The following KALRN variants were observed in gnomAD, a reference collection of about 807,000 sequenced individuals.
KALRN encodes kalirin.
In KALRN, 70 loss-of-function variants were observed where a neutral mutation model predicts 353.7. The observed-to-expected ratio is 0.20, with a 90% confidence interval of 0.16 to 0.24. The LOEUF is 0.24. KALRN is among the 10% of genes least tolerant of loss of function. The pLI, the probability that KALRN is intolerant of heterozygous loss-of-function variation, is 1.00. For missense variants in KALRN, 2,791 were observed against 3,756.7 expected, an observed-to-expected ratio of 0.74 and a Z score of 6.72; for synonymous variants, 1,391 against 1,434.8, an observed-to-expected ratio of 0.97 and a Z score of 0.69.
intron 1 of KALRN, among the ~76,000 whole-genome samples, chr3:124,159,160 C>A (rs2069497531): frequency 6.6e-6 from 1 of 152,224 alleles, no homozygotes; most frequent in Admixed American, 6.5e-5. Flanking sequence ...CCCATGTCTT[C>A]TGAGCTCACC....
At chr3:124,208,146 T>C (rs1426638719) in intron 1 of KALRN, among the ~76,000 whole-genome samples, 1 of 152,208 alleles carries the variant, frequency 6.6e-6, no homozygotes, top group Non-Finnish European at 1.5e-5. Context: ...GGACCTGCGC[T>C]TTCTCCTGGC....
At chr3:124,530,902 A>T (rs184134096) in intron 33 of KALRN, among the ~76,000 whole-genome samples, 7 of 152,310 alleles carry the variant, frequency 4.6e-5, no homozygotes, top group Admixed American at 3.9e-4. Flanking sequence ...ATCTGTTGGG[A>T]TAAGCCAAGT....
intron 57 of KALRN, among the ~76,000 whole-genome samples, chr3:124,708,976 T>A (rs1391982842): frequency 1.3e-5 from 2 of 152,056 alleles, no homozygotes; most frequent in Admixed American, 1.3e-4. Flanking sequence ...AGAACCAACA[T>A]CTTTAAAATG....
At chr3:124,272,124 C>T in intron 5 of KALRN, among the ~76,000 whole-genome samples, 1 of 152,068 alleles carries the variant, frequency 6.6e-6, no homozygotes, top group East Asian at 1.9e-4. Context: ...AAGTAATAAA[C>T]CTGCATATGT....
At chr3:124,305,066 C>T (rs2077574988) in intron 6 of KALRN, among the ~76,000 whole-genome samples, 1 of 152,120 alleles carries the variant, frequency 6.6e-6, no homozygotes, top group Admixed American at 6.5e-5. Flanking sequence ...GCATTCAGCT[C>T]CTAAAGTGGG....
chr3:124,259,688 A>G (rs551078932), intron 3 of KALRN, among the ~76,000 whole-genome samples: 2 of 152,292 alleles, frequency 1.3e-5, no homozygotes, highest in African/African-American at 4.8e-5. Flanking sequence ...CTGAACATTC[A>G]ACAGTGAAAT....
At chr3:124,151,326 A>G (rs980655023) in intron 1 of KALRN, among the ~76,000 whole-genome samples, 2 of 152,204 alleles carry the variant, frequency 1.3e-5, no homozygotes, top group African/African-American at 2.4e-5. Context: ...CCATTGTTTC[A>G]TACCTTTGCC....
At chr3:124,276,716 A>T (rs2074762070) in intron 5 of KALRN, among the ~76,000 whole-genome samples, 1 of 152,168 alleles carries the variant, frequency 6.6e-6, no homozygotes, top group Non-Finnish European at 1.5e-5. Context: ...CCTTCCTTTT[A>T]CATAGTAATC....
chr3:124,531,430 A>G (rs1200579796), intron 33 of KALRN, among the ~76,000 whole-genome samples: 1 of 152,242 alleles, frequency 6.6e-6, no homozygotes, highest in Non-Finnish European at 1.5e-5. Context: ...ATTTATGTTT[A>G]GCTCATGGTT....
At chr3:124,488,608 G>A (rs188645915) in intron 29 of KALRN, 2 of 304,418 alleles carry the variant, frequency 6.6e-6, no homozygotes, top group Non-Finnish European at 1.2e-5. Context: ...ATGTGCTAGA[G>A]CTTCCAACCT....
intron 34 of KALRN, among the ~76,000 whole-genome samples, chr3:124,573,054 G>T (rs1176044546): frequency 6.6e-6 from 1 of 151,988 alleles, no homozygotes; most frequent in Non-Finnish European, 1.5e-5. Context: ...ATGTCTTGGG[G>T]TGGAAGGCCT....
At chr3:124,253,348 G>A (rs1296936717) in intron 3 of KALRN, among the ~76,000 whole-genome samples, 1 of 152,206 alleles carries the variant, frequency 6.6e-6, no homozygotes, top group Non-Finnish European at 1.5e-5. Context: ...TAATGATTTA[G>A]GGTAGACATG....
At chr3:124,378,450 A>G (rs2149864950) in intron 10 of KALRN, among the ~76,000 whole-genome samples, 1 of 152,232 alleles carries the variant, frequency 6.6e-6, no homozygotes, top group South Asian at 2.1e-4. Flanking sequence ...TCAAATAATA[A>G]GAGGAAAAAA....
At chr3:124,298,673 A>T (rs1303173098) in intron 5 of KALRN, 118 bp from the exon 6 acceptor site, 1 of 1,153,698 alleles carries the variant, frequency 8.7e-7, no homozygotes. Context: ...TCAGAACAAT[A>T]ACTGGTTCTC....
At position 124,415,754 on chromosome 3, in the gene KALRN, A is replaced by G. The variant is rs148621784; in HGVS notation, c.2542+2089A>G. 2.1e-3 allele frequency among the ~76,000 whole-genome samples: 316 copies of G among 152,300 alleles called. 1 individual carries two copies. The highest frequency in any genetic ancestry group is 9.8e-3 in the South Asian group (47 of 4,818). On this transcript the variant is annotated intron_variant, in intron 14 of 59. Transcript: ENST00000682506. ...ATTAGCCCTCCAGGTGATTTTGTGC[A>G]CCACTGACCCAACATGTTGCTACTC...
chr3:124,180,673 T>C (rs2073444083), intron 1 of KALRN, among the ~76,000 whole-genome samples: 1 of 152,130 alleles, frequency 6.6e-6, no homozygotes, highest in Admixed American at 6.5e-5. Context: ...ATGAGAAATC[T>C]CTAGCTCAGT....
chr3:124,495,984 T>TATATATAC (rs2063742654), intron 32 of KALRN, among the ~76,000 whole-genome samples: 2 of 47,010 alleles, frequency 4.3e-5, no homozygotes, highest in African/African-American at 1.3e-4. Context: ...TATATATATA[T>TATATATAC]ATATATATAT....
intron 1 of KALRN, among the ~76,000 whole-genome samples, chr3:124,050,722 C>T (rs1388614924): frequency 6.6e-6 from 1 of 152,150 alleles, no homozygotes; most frequent in Non-Finnish European, 1.5e-5. Flanking sequence ...TCCCCTATGT[C>T]ATATCCTTAG....
At position 124,202,542 on chromosome 3, in the gene KALRN, G is replaced by T. The variant is rs139972040; in HGVS notation, c.74-25448G>T. Among the ~76,000 whole-genome samples the T allele has an allele frequency of 5.4e-3, 822 of 152,196 alleles. 5 individuals carry two copies. Among genetic ancestry groups the T allele is most frequent in the Middle Eastern group, 0.017 (5 of 294 alleles). On this transcript the variant is annotated intron_variant, in intron 1 of 59. Coordinates refer to ENST00000682506, the MANE Select transcript of KALRN (RefSeq NM_001388419.1). ...GCTGGGATTACAGGTTTGAGCCACC[G>T]TGCAGCCTACCCTAGTTTTTTAATG...
Sources: allele counts gnomAD v4.1 joint callset (sites outside exome capture counted in the v4.1 genomes callset), GRCh38; gene constraint gnomAD v4.1.1; transcripts MANE v1.5; gene names NCBI Gene and HGNC (gene_info 2026-07-23, HGNC 2026-07-21).